Variants in SNX24 observed in about 807,000 individuals in gnomAD.
SNX24 encodes the protein sorting nexin 24.
A neutral mutation model predicts 28.7 loss-of-function variants in SNX24; 22 were observed. The ratio of observed to expected loss-of-function variants is 0.77; its 90% CI spans 0.55 to 1.10. The LOEUF is 1.10. Among genes scored for constraint, SNX24 ranks in the 50% least tolerant of loss-of-function variants. The probability of loss-of-function intolerance (pLI) is 0.00; values close to 1 mark genes in which losing one functional copy is unlikely to be tolerated. For missense variants in SNX24, 221 were observed against 201.1 expected, an observed-to-expected ratio of 1.10 and a Z score of -0.60; for synonymous variants, 69 against 71.5, an observed-to-expected ratio of 0.96 and a Z score of 0.18.
chr5:122,957,009 T>G (rs770011208), intron 3 of SNX24, among the ~76,000 whole-genome samples: 126 of 152,208 alleles, frequency 8.3e-4, no homozygotes, highest in Non-Finnish European at 1.5e-3. Context: ...CAGAAAATTT[T>G]AAATTTTCAT....
In SNX24 at chr5:122,916,011, C is replaced by T. The variant is rs1268587073; in HGVS notation, c.61-20723C>T. On this transcript the variant is annotated intron_variant, in intron 1 of 6. Transcript: ENST00000261369. ...AGTTTATCTTCCCCTCATAGCATGG[C>T]GAAGATGATTCATTGTGTCCTTAGT... Among the ~76,000 whole-genome samples, 8 of 152,198 alleles carry T rather than the reference C, an allele frequency of 5.3e-5. No individual in the cohort carries two copies. The East Asian group carries it at 7.7e-4, about 15-fold the overall frequency.
intron 1 of SNX24, among the ~76,000 whole-genome samples, chr5:122,886,465 A>G (rs1230011494): frequency 1.3e-5 from 2 of 152,132 alleles, no homozygotes; most frequent in Admixed American, 1.3e-4. Flanking sequence ...ATTTTTGAAT[A>G]TTTAATACAA....
intron 3 of SNX24, among the ~76,000 whole-genome samples, chr5:122,981,191 T>C (rs1204610117): frequency 2.6e-5 from 4 of 152,232 alleles, no homozygotes; most frequent in Admixed American, 6.5e-5. Context: ...ATTTCTACCC[T>C]GACATAAAAT....
intron 1 of SNX24, among the ~76,000 whole-genome samples, chr5:122,854,423 G>A (rs1481579064): frequency 1.3e-5 from 2 of 151,812 alleles, no homozygotes; most frequent in African/African-American, 4.8e-5. Context: ...CAGGAGAATG[G>A]CGTGAACCCG....
At chr5:122,934,007 T>C (rs1422583173) in intron 1 of SNX24, among the ~76,000 whole-genome samples, 1 of 151,960 alleles carries the variant, frequency 6.6e-6, no homozygotes, top group African/African-American at 2.4e-5. Flanking sequence ...TGTCTTGAAC[T>C]CCTGACCTCA....
Position 123,008,662 on chromosome 5 carries a change from C to G in SNX24, c.*913C>G, listed in dbSNP as rs772441317. On this transcript the variant is annotated 3_prime_UTR_variant, in exon 7 of 7. Coordinates refer to ENST00000261369, the MANE Select transcript of SNX24 (RefSeq NM_014035.4). The stretch of plus-strand genomic sequence containing the variant: ...AACTGACAAGGAGTGAAGCGCCCAC[C>G]CAGCGGATGGACAGCACCCACCTGG... 17 of 167,138 alleles carry G rather than the reference C, an allele frequency of 1.0e-4. No individual in the cohort carries two copies. The highest frequency in any genetic ancestry group is 2.0e-4 in the Non-Finnish European group (16 of 81,670). The allele number at this position is 167,138 out of a possible 1,614,324, so 10.4% of individuals were successfully genotyped here.
chr5:122,936,818 G>T lies in SNX24; in HGVS notation c.144+1G>T. On this transcript the variant is annotated splice_donor_variant, in intron 2 of 6. Transcript: ENST00000261369. LOFTEE classifies it high-confidence loss of function. ...CGAATTTCATGCTTTGCACAAAAAG[G>T]TAACTTGTTTTCTGTTTTTTTGTCT... 2 of 1,597,344 alleles carry T rather than the reference G, an allele frequency of 1.3e-6. No homozygotes were observed. Among genetic ancestry groups the T allele is most frequent in the South Asian group, 1.1e-5 (1 of 89,410 alleles).
intron 3 of SNX24, among the ~76,000 whole-genome samples, chr5:122,956,735 T>C (rs1272768704): frequency 6.6e-6 from 1 of 152,170 alleles, no homozygotes; most frequent in East Asian, 1.9e-4. Flanking sequence ...TACTGATGGG[T>C]GTGAGGTGGT....
chr5:122,863,208 A>G (rs546155891), intron 1 of SNX24, among the ~76,000 whole-genome samples: 2 of 152,292 alleles, frequency 1.3e-5, no homozygotes, highest in South Asian at 4.1e-4. Context: ...GGGGATCATC[A>G]GAGAATCCTT....
chr5:122,880,857 C>T (rs1016454270), intron 1 of SNX24, among the ~76,000 whole-genome samples: 3 of 152,212 alleles, frequency 2.0e-5, no homozygotes, highest in Admixed American at 2.0e-4. Flanking sequence ...CAACCAGCAT[C>T]AGAGAAATCT....
chr5:122,915,698 C>T (rs1268675564), intron 1 of SNX24, among the ~76,000 whole-genome samples: 1 of 152,162 alleles, frequency 6.6e-6, no homozygotes, highest in Non-Finnish European at 1.5e-5. Context: ...CATTGAGTGG[C>T]TTCTCCTTTC....
chr5:122,977,876 A>G (rs2126935), intron 3 of SNX24, among the ~76,000 whole-genome samples: 33,925 of 152,116 alleles, frequency 0.22, 4,833 homozygotes, highest in Non-Finnish European at 0.33. Context: ...ACTTCCCACA[A>G]TCACCATAAA....
intron 1 of SNX24, among the ~76,000 whole-genome samples, chr5:122,899,966 A>G (rs1378191555): frequency 6.6e-6 from 1 of 152,174 alleles, no homozygotes; most frequent in Non-Finnish European, 1.5e-5. Context: ...GCTTTACTGA[A>G]TAAATGACAA....
At chr5:122,866,469 C>A (rs1038980658) in intron 1 of SNX24, among the ~76,000 whole-genome samples, 3 of 152,146 alleles carry the variant, frequency 2.0e-5, no homozygotes, top group Admixed American at 2.0e-4. Context: ...TTTATAAATA[C>A]CTCTACCCAT....
intron 1 of SNX24, among the ~76,000 whole-genome samples, chr5:122,850,427 A>C (rs569404993): frequency 6.6e-6 from 1 of 152,340 alleles, no homozygotes; most frequent in Admixed American, 6.5e-5. Context: ...GAATTTCAGC[A>C]TGAGAATTTG....
At chr5:122,973,095 TCATCCTTTGGTGAA>T (rs2150149346) in intron 3 of SNX24, among the ~76,000 whole-genome samples, 1 of 152,298 alleles carries the variant, frequency 6.6e-6, no homozygotes, top group Non-Finnish European at 1.5e-5. Flanking sequence ...TCTGCTGAGG[TCATCCTTTGGTGAA>T]CACTCATATG....
intron 1 of SNX24, among the ~76,000 whole-genome samples, chr5:122,930,931 A>G (rs900778059): frequency 6.6e-6 from 1 of 152,188 alleles, no homozygotes; most frequent in South Asian, 2.1e-4. Context: ...AGGTCCTTGA[A>G]TCATGTCGTT....
At chr5:122,879,694 T>C (rs150860442) in intron 1 of SNX24, among the ~76,000 whole-genome samples, 21 of 151,730 alleles carry the variant, frequency 1.4e-4, no homozygotes, top group African/African-American at 4.8e-4. Context: ...TATGTATGTA[T>C]GTATTTAATA....
downstream of SNX24, among the ~76,000 whole-genome samples, chr5:123,012,639 TTAAAA>T (rs1163153670): frequency 8.5e-5 from 13 of 152,330 alleles, no homozygotes; most frequent in Admixed American, 7.8e-4. Context: ...CTAAAAATGG[TTAAAA>T]TAAATTTTAT....
Sources: gnomAD v4.1 joint callset for allele counts (sites outside exome capture counted in the v4.1 genomes callset) on GRCh38, gnomAD v4.1.1 for gene constraint, MANE v1.5 for transcripts, NCBI Gene and HGNC (gene_info 2026-07-23, HGNC 2026-07-21) for gene names.